Variants in LRRC38 observed in about 807,000 individuals in gnomAD.
The protein encoded by LRRC38 is leucine rich repeat containing 38.
A neutral mutation model predicts 16.4 loss-of-function variants in LRRC38; 5 were observed. That is an observed-to-expected ratio of 0.31 (90% CI 0.16 to 0.64). The LOEUF (loss-of-function observed/expected upper bound fraction) is 0.64, where lower values mean the gene tolerates loss of function less well. Ranked by LOEUF, LRRC38 falls within the 30% of genes least tolerant of loss-of-function variation. The probability of loss-of-function intolerance (pLI) is 0.80; values close to 1 mark genes in which losing one functional copy is unlikely to be tolerated. For missense variants in LRRC38, 341 were observed against 401.8 expected (o/e 0.85, Z 1.29); for synonymous variants, 191 against 190.2 (o/e 1.00, Z -0.04).
intron 1 of LRRC38, among the ~76,000 whole-genome samples, chr1:13,504,289 A>G (rs1314958182): frequency 6.6e-6 from 1 of 150,764 alleles, no homozygotes; most frequent in African/African-American, 2.5e-5. Flanking sequence ...CGGACAGCTC[A>G]TTGGAAGCAC....
intron 1 of LRRC38, among the ~76,000 whole-genome samples, chr1:13,504,588 G>A (rs1460862305): frequency 6.6e-6 from 1 of 151,672 alleles, no homozygotes; most frequent in African/African-American, 2.4e-5. Context: ...GGGTGTGGTA[G>A]TGTACACACC....
chr1:13,490,890 C>T (rs189632115), intron 1 of LRRC38, among the ~76,000 whole-genome samples: 61 of 152,214 alleles, frequency 4.0e-4, no homozygotes, highest in Non-Finnish European at 7.4e-4. Context: ...CTCGCCGGCA[C>T]GCTAGAAAAA....
At chr1:13,502,581 G>A (rs1200036877) in intron 1 of LRRC38, among the ~76,000 whole-genome samples, 1 of 152,218 alleles carries the variant, frequency 6.6e-6, no homozygotes, top group Non-Finnish European at 1.5e-5. Context: ...TTGCTATTCT[G>A]TGGCTTGCCA....
chr1:13,512,905 G>A lies in LRRC38; in HGVS notation c.631+58C>T, dbSNP rs568449356. ...GCTCCTCCCACCCAGACTGGGGTCT[G>A]GGGTGGCCTCTCCCTGCCCCCCTCC... On this transcript the variant is annotated intron_variant, in intron 1 of 1. Coordinates refer to ENST00000376085, the MANE Select transcript of LRRC38 (RefSeq NM_001010847.2). 65 of 1,402,620 alleles carry A rather than the reference G, an allele frequency of 4.6e-5. 1 individual carries two copies. The highest frequency in any genetic ancestry group is 3.9e-4 in the Middle Eastern group (2 of 5,126). The allele number at this position is 1,402,620 out of a possible 1,614,324, so 86.9% of individuals were successfully genotyped here.
Position 13,513,471 on chromosome 1 carries a change from G to T in LRRC38, c.123C>A (p.Asp41Glu). The stretch of plus-strand genomic sequence containing the variant: ...CGCTGGGCAGCCCGCGGTCGCGGCA[G>T]TCCACGGTGTGCGGGTCGGTGCAGG... ...GCACTDPHTVDCRDRGLPSVP... is the reference protein window; with the variant it reads ...GCACTDPHTVECRDRGLPSVP... The change falls in exon 1 of 2, where the codon GAC (aspartate) becomes GAA (glutamate). Residue 41 changes from aspartate to glutamate, a missense_variant. By Grantham distance (45) the Asp-to-Glu change is conservative. Coordinates refer to ENST00000376085, the MANE Select transcript of LRRC38 (RefSeq NM_001010847.2). The T allele has an allele frequency of 6.5e-7, 1 of 1,545,082 alleles. No individual in the cohort carries two copies. Among genetic ancestry groups the T allele is most frequent in the Non-Finnish European group, 8.7e-7 (1 of 1,144,050 alleles).
chr1:13,509,984 C>T (rs183620884), intron 1 of LRRC38, among the ~76,000 whole-genome samples: 4 of 152,312 alleles, frequency 2.6e-5, no homozygotes, highest in Admixed American at 2.6e-4. Flanking sequence ...TGTGAATCTG[C>T]ACTTCACACA....
chr1:13,488,032 TTG>T (rs71570140), intron 1 of LRRC38, among the ~76,000 whole-genome samples: 40,943 of 146,892 alleles, frequency 0.28, 6,607 homozygotes, highest in Middle Eastern at 0.41. Context: ...TTGTGTGTGT[TTG>T]TGTGTGTGTG....
At chr1:13,481,852 C>T (rs565329021) in intron 1 of LRRC38, among the ~76,000 whole-genome samples, 30 of 151,122 alleles carry the variant, frequency 2.0e-4, no homozygotes, top group South Asian at 1.7e-3. Flanking sequence ...AGAAAGAAGG[C>T]GACCATCTGC....
intron 1 of LRRC38, among the ~76,000 whole-genome samples, chr1:13,496,174 G>GGA (rs1165543483): frequency 3.4e-5 from 5 of 148,216 alleles, no homozygotes; most frequent in Admixed American, 6.8e-5. Context: ...TATATATTAC[G>GGA]GAGAGAGAGA....
At chr1:13,489,707 TGC>T (rs1638984986) in intron 1 of LRRC38, among the ~76,000 whole-genome samples, 1 of 152,100 alleles carries the variant, frequency 6.6e-6, no homozygotes, top group African/African-American at 2.4e-5. Context: ...GGGACAGGGG[TGC>T]CAGGAACACC....
intron 1 of LRRC38, among the ~76,000 whole-genome samples, chr1:13,509,516 C>A (rs1215585129): frequency 1.3e-5 from 2 of 152,144 alleles, no homozygotes; most frequent in East Asian, 1.9e-4. Context: ...GGGCTAGGGA[C>A]AGCAAGTGTA....
chr1:13,489,564 G>A (rs2100501323), intron 1 of LRRC38, among the ~76,000 whole-genome samples: 1 of 152,164 alleles, frequency 6.6e-6, no homozygotes, highest in Non-Finnish European at 1.5e-5. Context: ...CAGGCACCAG[G>A]TCCTTAATTC....
chr1:13,479,965 G>A lies in LRRC38; in HGVS notation c.632-3866C>T, dbSNP rs142294645. Among the ~76,000 whole-genome samples the A allele has an allele frequency of 5.7e-3, 868 of 152,316 alleles. 6 individuals carry two copies. Among genetic ancestry groups the A allele is most frequent in the Middle Eastern group, 0.014 (4 of 294 alleles). On this transcript the variant is annotated intron_variant, in intron 1 of 1. Coordinates refer to ENST00000376085, the MANE Select transcript of LRRC38 (RefSeq NM_001010847.2). ...GGAACATTTTTTTGACATAGGGGCC[G>A]TCCTGTGTCCTGTAGGATGTTCAGC... is the stretch of plus-strand genomic sequence containing the variant.
Position 13,502,111 on chromosome 1 carries a change from T to TG in LRRC38, c.631+10851_631+10852insC, listed in dbSNP as rs1639158715. 5.3e-5 allele frequency among the ~76,000 whole-genome samples: 8 copies of TG among 151,402 alleles called. No homozygotes were observed. The South Asian group carries it at 1.7e-3, about 32-fold the overall frequency. On this transcript the variant is annotated intron_variant, in intron 1 of 1. Transcript: ENST00000376085. ...CCCAGCCAATTTTTTTTTTTTTTTT[T>TG]TGTATTTTTAGTAGAGACGGGGTTT...
In LRRC38 at chr1:13,512,998, G is replaced by A. The variant is rs1203751102; in HGVS notation, c.596C>T (p.Ser199Phe). The A allele has an allele frequency of 6.5e-7, 1 of 1,548,712 alleles. No individual in the cohort carries two copies. Among genetic ancestry groups the A allele is most frequent in the East Asian group, 2.5e-5 (1 of 40,812 alleles). ...LCDCDFAHLFSWIQENASKLP... is the reference protein window; with the variant it reads ...LCDCDFAHLFFWIQENASKLP... ...TTTGGATGCGTTCTCCTGGATCCAG[G>A]AGAAGAGGTGGGCGAAGTCACAGTC... Residue 199 changes from serine (S) to phenylalanine (F), a missense_variant, in exon 1 of 2, where the codon TCC becomes TTC. Coordinates refer to ENST00000376085, the MANE Select transcript of LRRC38 (RefSeq NM_001010847.2).
intron 1 of LRRC38, among the ~76,000 whole-genome samples, chr1:13,477,182 C>G (rs975931781): frequency 6.6e-6 from 1 of 152,150 alleles, no homozygotes; most frequent in Non-Finnish European, 1.5e-5. Flanking sequence ...GGCCAACAAC[C>G]GGGTTGGTGA....
intron 1 of LRRC38, among the ~76,000 whole-genome samples, chr1:13,499,094 A>AT (rs1364246724): frequency 1.3e-5 from 2 of 151,474 alleles, no homozygotes; most frequent in African/African-American, 2.4e-5. Context: ...ATCCCACTGC[A>AT]TTTTTTTTGT....
intron 1 of LRRC38, among the ~76,000 whole-genome samples, 188 bp from the exon 2 acceptor site, chr1:13,476,287 T>C (rs939081798): frequency 2.1e-4 from 32 of 151,506 alleles, no homozygotes; most frequent in Admixed American, 4.6e-4. Flanking sequence ...GTGATCACCA[T>C]GGGAAAAGTT....
At chr1:13,504,154 T>A (rs1016609722) in intron 1 of LRRC38, among the ~76,000 whole-genome samples, 1 of 152,202 alleles carries the variant, frequency 6.6e-6, no homozygotes, top group Non-Finnish European at 1.5e-5. Context: ...CTATACGTGG[T>A]GATGGAGGAA....
Sources: allele counts gnomAD v4.1 joint callset (sites outside exome capture counted in the v4.1 genomes callset), GRCh38; gene constraint gnomAD v4.1.1; transcripts MANE v1.5; gene names NCBI Gene and HGNC (gene_info 2026-07-23, HGNC 2026-07-21).